The following FBXO6 variants were observed in gnomAD, a reference collection of about 807,000 sequenced individuals.
FBXO6 encodes F-box protein 6.
FBXO6 carries 13 observed loss-of-function variants against 25.0 expected under a neutral mutation model. The observed-to-expected ratio is 0.52, with a 90% confidence interval of 0.34 to 0.83. The LOEUF is 0.83. Among genes scored for constraint, FBXO6 ranks in the 40% least tolerant of loss-of-function variants. FBXO6 has a pLI of 0.02. For missense variants in FBXO6, 370 were observed against 380.2 expected, an observed-to-expected ratio of 0.97 and a Z score of 0.22; for synonymous variants, 138 against 155.3, an observed-to-expected ratio of 0.89 and a Z score of 0.83.
At chr1:11,666,795 A>G (rs1197987672) in intron 1 of FBXO6, among the ~76,000 whole-genome samples, 4 of 152,106 alleles carry the variant, frequency 2.6e-5, no homozygotes, top group Admixed American at 6.6e-5. Flanking sequence ...CTGAGATGGG[A>G]GCCTTCAGAA....
Position 11,674,063 on chromosome 1 carries a change from G to A in FBXO6, c.*212G>A. ...CTCACGCCTGTAATCCCAGCACTTT[G>A]GGAGACCGAGGCAGGTGGATCACGA... On this transcript the variant is annotated 3_prime_UTR_variant, in exon 6 of 6. Transcript: ENST00000376753. The surrounding 1 kb of genome is among the most constrained non-coding windows in gnomAD (Gnocchi z 6.1). 2 of 531,184 alleles carry A rather than the reference G, an allele frequency of 3.8e-6. No homozygotes were observed. Among genetic ancestry groups the A allele is most frequent in the Non-Finnish European group, 3.4e-6 (1 of 292,882 alleles). 32.9% of individuals were successfully genotyped at this position (531,184 alleles called of 1,614,324 possible).
chr1:11,665,534 C>A (rs1192036245), intron 1 of FBXO6, among the ~76,000 whole-genome samples: 1 of 142,670 alleles, frequency 7.0e-6, no homozygotes, highest in Non-Finnish European at 1.5e-5. Flanking sequence ...GGATTACAGG[C>A]GTGAGCCACC....
At chr1:11,667,572 G>A (rs1640476795) in intron 1 of FBXO6, among the ~76,000 whole-genome samples, 1 of 151,464 alleles carries the variant, frequency 6.6e-6, no homozygotes, top group African/African-American at 2.4e-5. Flanking sequence ...TCAAACCCAG[G>A]CAGTCTTCTC....
intron 3 of FBXO6, 120 bp from the exon 4 acceptor site, chr1:11,671,808 A>C: frequency 1.1e-6 from 1 of 871,250 alleles, no homozygotes; most frequent in Non-Finnish European, 1.9e-6. Flanking sequence ...GCAGCGGCCA[A>C]GGGGTACCCT....
At chr1:11,671,170 C>G in intron 2 of FBXO6, 96 bp from the exon 3 acceptor site, 1 of 1,525,012 alleles carries the variant, frequency 6.6e-7, no homozygotes, top group Non-Finnish European at 8.9e-7. Flanking sequence ...GTCACTAACG[C>G]CAACCACCCT....
At chr1:11,671,687 TG>T (rs951179227) in intron 3 of FBXO6, among the ~76,000 whole-genome samples, 2 of 152,192 alleles carry the variant, frequency 1.3e-5, no homozygotes, top group African/African-American at 4.8e-5. Flanking sequence ...AAAAGTGCCC[TG>T]GAACAATGGG....
At chr1:11,670,876 A>G (rs1644487553) in intron 2 of FBXO6, among the ~76,000 whole-genome samples, 1 of 152,154 alleles carries the variant, frequency 6.6e-6, no homozygotes, top group African/African-American at 2.4e-5. Context: ...TTGGTTTAGA[A>G]TTTCTGGTAA....
At chr1:11,665,423 T>C (rs1640399391) in intron 1 of FBXO6, among the ~76,000 whole-genome samples, 1 of 150,462 alleles carries the variant, frequency 6.6e-6, no homozygotes, top group South Asian at 2.1e-4. Context: ...GCCCGGCTAA[T>C]TTTTTGTATT....
rs774457347 is a variant in FBXO6 at position 11,673,607 on chromosome 1, C to T, written c.646-8C>T. ...CGGTGGTCACTTCCTCTCCCTTCCT[C>T]CCAACAGGTCTCCTACACCTTCTCA... On this transcript the variant is annotated splice_polypyrimidine_tract_variant and splice_region_variant and intron_variant, in intron 5 of 5. Coordinates refer to ENST00000376753, the MANE Select transcript of FBXO6 (RefSeq NM_018438.6). This position sits in a 1 kb window ranked among gnomAD's most constrained non-coding sequence, Gnocchi z 4.3. 6.2e-7 allele frequency: 1 copy of T among 1,611,504 alleles called. No individual in the cohort carries two copies. Among genetic ancestry groups the T allele is most frequent in the Non-Finnish European group, 8.5e-7 (1 of 1,177,884 alleles).
At chr1:11,666,671 C>T (rs186117273) in intron 1 of FBXO6, among the ~76,000 whole-genome samples, 8 of 152,232 alleles carry the variant, frequency 5.3e-5, no homozygotes, top group South Asian at 4.1e-4. Context: ...CTTGAGCCAC[C>T]GCACCCGGCC....
intron 1 of FBXO6, among the ~76,000 whole-genome samples, chr1:11,667,621 C>T (rs9430591): frequency 0.065 from 9,940 of 152,002 alleles, 1,097 homozygotes; most frequent in African/African-American, 0.23. Context: ...CGGCCATCTC[C>T]AAGTGGATTC....
intron 3 of FBXO6, 61 bp from the exon 4 acceptor site, chr1:11,671,867 G>A: frequency 4.1e-6 from 6 of 1,446,246 alleles, no homozygotes; most frequent in South Asian, 1.1e-5. Flanking sequence ...CAAGGCCTGG[G>A]TGAGGGGGGG....
At chr1:11,671,621 A>C (rs1173789509) in intron 3 of FBXO6, among the ~76,000 whole-genome samples, 1 of 152,256 alleles carries the variant, frequency 6.6e-6, no homozygotes, top group African/African-American at 2.4e-5. Context: ...TGGGCAGTTA[A>C]GATAAGCCAG....
intron 1 of FBXO6, among the ~76,000 whole-genome samples, chr1:11,667,787 G>A (rs1640483976): frequency 6.6e-6 from 1 of 152,116 alleles, no homozygotes; most frequent in African/African-American, 2.4e-5. Flanking sequence ...ATGAGTCTGG[G>A]ATGTAAAACT....
At position 11,673,743 on chromosome 1, in the gene FBXO6, C is replaced by T. The variant is rs1475487447; in HGVS notation, c.774C>T (p.Ser258=). ...PRVTNSSIVV[S]PKMTRNQASS... is the part of the protein sequence containing the mutation. ...TCACCAACAGCAGCATTGTCGTCAG[C>T]CCCAAGATGACCAGGAACCAGGCCT... The change falls in exon 6 of 6, where the codon AGC becomes AGT. Residue 258 remains serine (S), a synonymous_variant. Coordinates refer to ENST00000376753, the MANE Select transcript of FBXO6 (RefSeq NM_018438.6). This position sits in a 1 kb window ranked among gnomAD's most constrained non-coding sequence, Gnocchi z 4.3. 6.2e-7 allele frequency: 1 copy of T among 1,614,122 alleles called. No homozygotes were observed. Among genetic ancestry groups the T allele is most frequent in the Non-Finnish European group, 8.5e-7 (1 of 1,180,020 alleles).
chr1:11,673,338 G>T lies in FBXO6; in HGVS notation c.571G>T (p.Asp191Tyr). 1 of 1,614,078 alleles carries T rather than the reference G, an allele frequency of 6.2e-7. No individual in the cohort carries two copies. The highest frequency in any genetic ancestry group is 8.5e-7 in the Non-Finnish European group (1 of 1,180,010). Reference protein sequence around the residue: ...YQLKVQLASADYFVLASFEPP... With the variant: ...YQLKVQLASAYYFVLASFEPP... ...ACTCAAAGTGCAGCTGGCCTCGGCT[G>T]ACTACTTCGTGTTGGCCTCCTTCGA... The change falls in exon 5 of 6, where the codon GAC (aspartate) becomes TAC (tyrosine). Residue 191 changes from aspartate (D) to tyrosine (Y), a missense_variant. Transcript: ENST00000376753. The surrounding 1 kb of genome is among the most constrained non-coding windows in gnomAD (Gnocchi z 4.3).
intron 1 of FBXO6, among the ~76,000 whole-genome samples, chr1:11,667,163 A>G (rs2100686735): frequency 6.6e-6 from 1 of 151,838 alleles, no homozygotes; most frequent in Admixed American, 6.6e-5. Flanking sequence ...GGGGGAAGAA[A>G]AAAAAAAAGA....
chr1:11,667,306 C>T (rs1365330924), intron 1 of FBXO6, among the ~76,000 whole-genome samples: 1 of 152,160 alleles, frequency 6.6e-6, no homozygotes, highest in East Asian at 1.9e-4. Flanking sequence ...GGGGCAAGTA[C>T]CTGGGATCCC....
intron 1 of FBXO6, among the ~76,000 whole-genome samples, 196 bp from the exon 2 acceptor site, chr1:11,668,460 C>T (rs959611614): frequency 4.6e-5 from 7 of 150,560 alleles, no homozygotes; most frequent in Non-Finnish European, 7.4e-5. Flanking sequence ...TGCAGTGGCG[C>T]GATCATAGGT....
Sources: allele counts gnomAD v4.1 joint callset (sites outside exome capture counted in the v4.1 genomes callset), GRCh38; gene constraint gnomAD v4.1.1; non-coding constraint Gnocchi (gnomAD v3.1); transcripts MANE v1.5; gene names NCBI Gene and HGNC (gene_info 2026-07-23, HGNC 2026-07-21).